LRRC4C: variants seen among roughly 807,000 people sequenced by gnomAD.
LRRC4C encodes leucine-rich repeat-containing protein 4C.
In LRRC4C, 5 loss-of-function variants were observed where a neutral mutation model predicts 33.6. The ratio of observed to expected loss-of-function variants is 0.15; its 90% CI spans 0.08 to 0.31. The LOEUF (loss-of-function observed/expected upper bound fraction) is 0.31, where lower values mean the gene tolerates loss of function less well. LRRC4C is among the 10% of genes least tolerant of loss of function. The probability of loss-of-function intolerance (pLI) is 1.00; values close to 1 mark genes in which losing one functional copy is unlikely to be tolerated. For synonymous variants in LRRC4C, 329 were observed against 302.0 expected (o/e 1.09, Z -0.93); for missense variants, 560 against 796.7 (o/e 0.70, Z 3.58).
chr11:40,732,529 C>T (rs1343923192), intron 2 of LRRC4C, among the ~76,000 whole-genome samples: 1 of 152,084 alleles, frequency 6.6e-6, no homozygotes, highest in Non-Finnish European at 1.5e-5. Context: ...TGAGCCAAGA[C>T]TCTATGGGAG....
intron 5 of LRRC4C, among the ~76,000 whole-genome samples, chr11:40,215,242 A>G (rs1317507629): frequency 6.6e-6 from 1 of 152,170 alleles, no homozygotes; most frequent in Non-Finnish European, 1.5e-5. Flanking sequence ...ACATAATATT[A>G]TCTCCACTTT....
At chr11:40,770,503 C>G (rs1250752550) in intron 2 of LRRC4C, among the ~76,000 whole-genome samples, 1 of 152,166 alleles carries the variant, frequency 6.6e-6, no homozygotes, top group African/African-American at 2.4e-5. Flanking sequence ...CCTCCCAAAC[C>G]TCATGTTTCT....
At chr11:41,445,865 C>CGTGCGTGTGTGTGTGT (rs748457357) in intron 1 of LRRC4C, among the ~76,000 whole-genome samples, 1 of 135,450 alleles carries the variant, frequency 7.4e-6, no homozygotes, top group African/African-American at 2.7e-5. Context: ...TGAGTGACTG[C>CGTGCGTGTGTGTGTGT]ATGTGTGTGT....
At chr11:41,285,177 A>C (rs1157535639) in intron 1 of LRRC4C, among the ~76,000 whole-genome samples, 1 of 152,162 alleles carries the variant, frequency 6.6e-6, no homozygotes, top group Non-Finnish European at 1.5e-5. Context: ...AATTCAGTCT[A>C]TCTTTCTATC....
intron 1 of LRRC4C, among the ~76,000 whole-genome samples, chr11:41,060,714 G>A (rs900120665): frequency 6.6e-6 from 1 of 152,028 alleles, no homozygotes; most frequent in African/African-American, 2.4e-5. Flanking sequence ...ACAAAAACCT[G>A]GATTTATTGT....
At chr11:40,953,551 T>C (rs1359147283) in intron 1 of LRRC4C, among the ~76,000 whole-genome samples, 1 of 151,870 alleles carries the variant, frequency 6.6e-6, no homozygotes, top group Non-Finnish European at 1.5e-5. Context: ...TTAAATTTTA[T>C]ACTAGTGAAA....
chr11:40,633,325 T>TTTTC (rs1555125485), intron 3 of LRRC4C, among the ~76,000 whole-genome samples: 232 of 112,216 alleles, frequency 2.1e-3, no homozygotes, highest in African/African-American at 4.5e-3. Context: ...CAAGTTTTCT[T>TTTTC]TTTCTTTCTT....
chr11:41,439,469 T>G (rs1269190378), intron 1 of LRRC4C, among the ~76,000 whole-genome samples: 2 of 152,214 alleles, frequency 1.3e-5, no homozygotes, highest in African/African-American at 4.8e-5. Context: ...TCACAGAGGT[T>G]GTACTAATTT....
At chr11:40,735,289 CT>C (rs1361196492) in intron 2 of LRRC4C, among the ~76,000 whole-genome samples, 1 of 151,916 alleles carries the variant, frequency 6.6e-6, no homozygotes. Flanking sequence ...TTAGGTATAT[CT>C]CCTAATGTTA....
At chr11:40,606,742 G>T (rs888571285) in intron 3 of LRRC4C, among the ~76,000 whole-genome samples, 1 of 152,048 alleles carries the variant, frequency 6.6e-6, no homozygotes, top group South Asian at 2.1e-4. Context: ...AAACTTATTT[G>T]TGGGGGTCCT....
intron 1 of LRRC4C, among the ~76,000 whole-genome samples, chr11:41,257,350 AG>A (rs1479573935): frequency 6.6e-6 from 1 of 152,060 alleles, no homozygotes; most frequent in African/African-American, 2.4e-5. Context: ...TTCAAAATGC[AG>A]CCCCACCATC....
At chr11:41,218,647 T>A (rs893992325) in intron 1 of LRRC4C, among the ~76,000 whole-genome samples, 1 of 152,172 alleles carries the variant, frequency 6.6e-6, no homozygotes, top group Non-Finnish European at 1.5e-5. Context: ...TTTAGCTATA[T>A]GCTCAGAAAG....
intron 1 of LRRC4C, among the ~76,000 whole-genome samples, chr11:41,322,362 A>T (rs547564155): frequency 6.6e-6 from 1 of 152,156 alleles, no homozygotes; most frequent in South Asian, 2.1e-4. Context: ...CCTCTGCAAA[A>T]TTGTAATGTT....
At chr11:40,416,335 G>A (rs1244829109) in intron 3 of LRRC4C, among the ~76,000 whole-genome samples, 2 of 152,108 alleles carry the variant, frequency 1.3e-5, no homozygotes, top group African/African-American at 4.8e-5. Context: ...ATGAGCAGGA[G>A]TAGAGGCAGA....
At chr11:40,674,569 G>A (rs995094296) in intron 2 of LRRC4C, among the ~76,000 whole-genome samples, 7 of 152,150 alleles carry the variant, frequency 4.6e-5, no homozygotes, top group South Asian at 2.1e-4. Flanking sequence ...GACAGTGCAC[G>A]TGGAGATGCT....
chr11:40,730,111 TG>T (rs371114673), intron 2 of LRRC4C, among the ~76,000 whole-genome samples: 14 of 145,920 alleles, frequency 9.6e-5, no homozygotes, highest in East Asian at 6.3e-4. Context: ...GTTGTGGGGT[TG>T]GGGGGGGCAG....
chr11:40,678,666 TCCCCTGC>T (rs1944529429), intron 2 of LRRC4C, among the ~76,000 whole-genome samples: 1 of 152,012 alleles, frequency 6.6e-6, no homozygotes, highest in East Asian at 1.9e-4. Flanking sequence ...AAAGGGTAAT[TCCCCTGC>T]ACAAGTTCTT....
intron 2 of LRRC4C, among the ~76,000 whole-genome samples, chr11:40,904,948 G>A (rs866492968): frequency 5.3e-5 from 8 of 152,132 alleles, no homozygotes; most frequent in South Asian, 2.1e-4. Context: ...GAGGAAAGCT[G>A]CAGGCCCCTC....
chr11:41,397,245 C>T, intron 1 of LRRC4C, among the ~76,000 whole-genome samples: 1 of 151,848 alleles, frequency 6.6e-6, no homozygotes. Flanking sequence ...ACTGATATGC[C>T]TACCCCTCCT....
Sources: allele counts gnomAD v4.1 joint callset (sites outside exome capture counted in the v4.1 genomes callset), GRCh38; gene constraint gnomAD v4.1.1; transcripts MANE v1.5; gene names NCBI Gene and HGNC (gene_info 2026-07-23, HGNC 2026-07-21).